Variants in LRRC4C observed in about 807,000 individuals in gnomAD.
LRRC4C encodes leucine-rich repeat-containing protein 4C.
LRRC4C carries 5 observed loss-of-function variants against 33.6 expected under a neutral mutation model. The ratio of observed to expected loss-of-function variants is 0.15; its 90% CI spans 0.08 to 0.31. The LOEUF (loss-of-function observed/expected upper bound fraction) is 0.31, where lower values mean the gene tolerates loss of function less well. LRRC4C is among the 10% of genes least tolerant of loss of function. LRRC4C has a pLI of 1.00. For missense variants in LRRC4C, 560 were observed against 796.7 expected (o/e 0.70, Z 3.58); for synonymous variants, 329 against 302.0 (o/e 1.09, Z -0.93).
chr11:41,163,930 T>G (rs979593097), intron 1 of LRRC4C, among the ~76,000 whole-genome samples: 42 of 152,164 alleles, frequency 2.8e-4, no homozygotes, highest in Non-Finnish European at 4.4e-4. Flanking sequence ...AAAAACTTTT[T>G]TATTTGTATT....
chr11:41,096,444 T>C (rs1266785980), intron 1 of LRRC4C, among the ~76,000 whole-genome samples: 1 of 152,164 alleles, frequency 6.6e-6, no homozygotes, highest in Non-Finnish European at 1.5e-5. Context: ...AGACCAGTCA[T>C]CAGTCAGACT....
intron 3 of LRRC4C, among the ~76,000 whole-genome samples, chr11:40,605,488 C>T (rs112458525): frequency 8.5e-5 from 13 of 152,144 alleles, no homozygotes; most frequent in East Asian, 5.8e-4. Context: ...TCCAGATGAG[C>T]GCAGAACCAG....
intron 5 of LRRC4C, among the ~76,000 whole-genome samples, chr11:40,211,690 G>T (rs1863616998): frequency 6.6e-6 from 1 of 152,144 alleles, no homozygotes; most frequent in South Asian, 2.1e-4. Context: ...GTAGTTATAT[G>T]ACTAAGTTCT....
intron 3 of LRRC4C, among the ~76,000 whole-genome samples, chr11:40,512,181 G>A (rs1050852488): frequency 2.6e-5 from 4 of 151,622 alleles, no homozygotes; most frequent in Non-Finnish European, 4.4e-5. Flanking sequence ...GTTATCTATC[G>A]GTATGTAACA....
At chr11:41,142,821 G>A (rs199780898) in intron 1 of LRRC4C, among the ~76,000 whole-genome samples, 20,907 of 152,090 alleles carry the variant, frequency 0.14, 1,505 homozygotes, top group Middle Eastern at 0.16. Context: ...GCTTGTCAAT[G>A]GTGCAGAGCT....
At chr11:40,400,815 A>G (rs1340328989) in intron 3 of LRRC4C, among the ~76,000 whole-genome samples, 1 of 152,104 alleles carries the variant, frequency 6.6e-6, no homozygotes, top group Non-Finnish European at 1.5e-5. Context: ...CCCTCCTCAA[A>G]TCTATAGTGA....
At chr11:40,420,859 C>A (rs1950500869) in intron 3 of LRRC4C, among the ~76,000 whole-genome samples, 1 of 152,152 alleles carries the variant, frequency 6.6e-6, no homozygotes, top group African/African-American at 2.4e-5. Context: ...TCCCTGGTAT[C>A]TTTTATATGA....
intron 4 of LRRC4C, among the ~76,000 whole-genome samples, chr11:40,285,556 C>A (rs1320876649): frequency 2.0e-5 from 3 of 152,132 alleles, no homozygotes; most frequent in African/African-American, 4.8e-5. Context: ...TTTGCAAAAT[C>A]TTTCTCTCCA....
intron 3 of LRRC4C, among the ~76,000 whole-genome samples, chr11:40,634,629 G>T (rs576430729): frequency 6.6e-6 from 1 of 152,014 alleles, no homozygotes; most frequent in Non-Finnish European, 1.5e-5. Flanking sequence ...TAGTACTTTG[G>T]AAGTTCAAGG....
At chr11:40,264,907 T>G (rs1590858675) in intron 4 of LRRC4C, among the ~76,000 whole-genome samples, 1 of 152,308 alleles carries the variant, frequency 6.6e-6, no homozygotes, top group South Asian at 2.1e-4. Context: ...CAAGAACTAT[T>G]AGGCTACTTC....
intron 1 of LRRC4C, among the ~76,000 whole-genome samples, chr11:40,952,751 C>G (rs1227610901): frequency 6.6e-6 from 1 of 151,696 alleles, no homozygotes; most frequent in African/African-American, 2.4e-5. Context: ...TGATCACAAT[C>G]AGGCATCTGA....
intron 2 of LRRC4C, among the ~76,000 whole-genome samples, chr11:40,749,878 A>G: frequency 6.6e-6 from 1 of 152,126 alleles, no homozygotes; most frequent in East Asian, 1.9e-4. Flanking sequence ...CAAACTGGAA[A>G]ACCTATAAAA....
chr11:40,260,542 C>T (rs529552389), intron 4 of LRRC4C, among the ~76,000 whole-genome samples: 1 of 149,052 alleles, frequency 6.7e-6, no homozygotes, highest in East Asian at 2.0e-4. Context: ...TACCCTAAAA[C>T]TTAAAGTAAA....
At chr11:40,552,737 C>A (rs1220095684) in intron 3 of LRRC4C, among the ~76,000 whole-genome samples, 1 of 152,092 alleles carries the variant, frequency 6.6e-6, no homozygotes, top group Admixed American at 6.5e-5. Context: ...GAAGACATGT[C>A]CAAACTTATG....
chr11:40,977,102 G>A (rs1852140871), intron 1 of LRRC4C, among the ~76,000 whole-genome samples: 1 of 152,038 alleles, frequency 6.6e-6, no homozygotes, highest in Non-Finnish European at 1.5e-5. Context: ...TTGCTGATAT[G>A]TGCACTTTAC....
chr11:40,342,808 T>C (rs907663930), intron 3 of LRRC4C, among the ~76,000 whole-genome samples: 1 of 152,124 alleles, frequency 6.6e-6, no homozygotes, highest in African/African-American at 2.4e-5. Context: ...TACTACCCCA[T>C]ATATACTACA....
At chr11:40,443,099 TAAG>T (rs1207863947) in intron 3 of LRRC4C, among the ~76,000 whole-genome samples, 1 of 152,178 alleles carries the variant, frequency 6.6e-6, no homozygotes, top group Non-Finnish European at 1.5e-5. Context: ...CTGAGACTCA[TAAG>T]AAGAGCTGGT....
chr11:41,246,856 G>C (rs574168816), intron 1 of LRRC4C, among the ~76,000 whole-genome samples: 1 of 152,316 alleles, frequency 6.6e-6, no homozygotes, highest in East Asian at 1.9e-4. Flanking sequence ...AACACTCTGG[G>C]ACAGGCACTA....
intron 3 of LRRC4C, among the ~76,000 whole-genome samples, chr11:40,372,317 T>C (rs1190736041): frequency 6.6e-6 from 1 of 152,186 alleles, no homozygotes; most frequent in African/African-American, 2.4e-5. Flanking sequence ...CCAAGGACAC[T>C]TGGGGACCTT....
Sources: allele counts gnomAD v4.1 joint callset (sites outside exome capture counted in the v4.1 genomes callset), GRCh38; gene constraint gnomAD v4.1.1; transcripts MANE v1.5; gene names NCBI Gene and HGNC (gene_info 2026-07-23, HGNC 2026-07-21).